APBA2: variants seen among roughly 807,000 people sequenced by gnomAD.
APBA2 encodes the protein amyloid beta precursor protein binding family A member 2, also known as amyloid-beta A4 precursor protein-binding family A member 2.
APBA2 carries 30 observed loss-of-function variants against 75.0 expected under a neutral mutation model. The ratio of observed to expected loss-of-function variants is 0.40; its 90% CI spans 0.30 to 0.54. The LOEUF (loss-of-function observed/expected upper bound fraction) is 0.54, where lower values mean the gene tolerates loss of function less well. Among genes scored for constraint, APBA2 ranks in the 20% least tolerant of loss-of-function variants. The probability of loss-of-function intolerance (pLI) is 0.49; values close to 1 mark genes in which losing one functional copy is unlikely to be tolerated. For synonymous variants in APBA2, 444 were observed against 409.6 expected, an observed-to-expected ratio of 1.08 and a Z score of -1.01; for missense variants, 801 against 1,016.1, an observed-to-expected ratio of 0.79 and a Z score of 2.88.
intron 1 of APBA2, among the ~76,000 whole-genome samples, chr15:28,896,744 A>G (rs1235724336): frequency 6.6e-6 from 1 of 152,186 alleles, no homozygotes; most frequent in African/African-American, 2.4e-5. Context: ...CTGCTCCCAA[A>G]AAGTCCCATA....
intron 3 of APBA2, among the ~76,000 whole-genome samples, chr15:29,021,304 G>A (rs543214510): frequency 1.9e-4 from 29 of 152,250 alleles, no homozygotes; most frequent in African/African-American, 5.3e-4. Flanking sequence ...CAAGGCGGGC[G>A]GATCACCTGA....
chr15:29,045,700 A>G (rs1031903713), intron 3 of APBA2, among the ~76,000 whole-genome samples: 2 of 152,186 alleles, frequency 1.3e-5, no homozygotes, highest in African/African-American at 4.8e-5. Context: ...CAGATAAAAG[A>G]CTGGAAAGAA....
intron 2 of APBA2, among the ~76,000 whole-genome samples, chr15:28,945,905 A>T (rs12324342): frequency 0.29 from 44,786 of 152,066 alleles, 10,742 homozygotes; most frequent in African/African-American, 0.64. Flanking sequence ...AGTCGTGATG[A>T]GGAGGAGGAC....
At chr15:29,082,279 A>G (rs926154204) in intron 6 of APBA2, among the ~76,000 whole-genome samples, 3 of 152,246 alleles carry the variant, frequency 2.0e-5, no homozygotes, top group African/African-American at 7.2e-5. Flanking sequence ...AAGTCATACA[A>G]TGTAATGTAT....
In APBA2 at chr15:29,100,448, G is replaced by A. The variant is rs368451119; in HGVS notation, c.1339-1151G>A. ...ACTCGAGTTTCTTTTGTGAACAGAG[G>A]ACAAAAGCATAAAAGACCAGTTGAT... is the stretch of plus-strand genomic sequence containing the variant. On this transcript the variant is annotated intron_variant, in intron 9 of 14. Coordinates refer to ENST00000683413, the MANE Select transcript of APBA2 (RefSeq NM_001353788.2). 9.2e-5 allele frequency among the ~76,000 whole-genome samples: 14 copies of A among 152,360 alleles called. No individual in the cohort carries two copies. The South Asian group carries it at 2.7e-3, about 29-fold the overall frequency.
At chr15:29,045,110 C>G in intron 3 of APBA2, among the ~76,000 whole-genome samples, 1 of 102,148 alleles carries the variant, frequency 9.8e-6, no homozygotes, top group South Asian at 3.7e-4. Context: ...TCTCGTCTCG[C>G]ACTGTCACCT....
intron 6 of APBA2, among the ~76,000 whole-genome samples, chr15:29,083,740 A>C (rs1371153608): frequency 6.6e-6 from 1 of 152,134 alleles, no homozygotes; most frequent in Non-Finnish European, 1.5e-5. Context: ...CATGTTGGTC[A>C]AGCTGGTCTT....
intron 6 of APBA2, among the ~76,000 whole-genome samples, chr15:29,092,529 G>A (rs1195158059): frequency 6.6e-6 from 1 of 152,134 alleles, no homozygotes; most frequent in Non-Finnish European, 1.5e-5. Flanking sequence ...GTTGGGTCAC[G>A]ATGGTCTAGG....
Position 29,106,738 on chromosome 15 carries a change from G to T in APBA2, c.1836G>T (p.Leu612=). ...NGGPAARSGK[L]SIGDQIMSIN... The stretch of plus-strand genomic sequence containing the variant: ...GCCCGGCTGCCCGCTCGGGGAAGCT[G>T]AGCATCGGGGACCAGATCATGTCCA... Residue 612 remains leucine, a synonymous_variant, in exon 12 of 15, where the codon CTG becomes CTT. Transcript: ENST00000683413. The T allele has an allele frequency of 6.2e-7, 1 of 1,613,062 alleles. No homozygotes were observed. The highest frequency in any genetic ancestry group is 8.5e-7 in the Non-Finnish European group (1 of 1,180,012).
chr15:29,108,530 A>T (rs1273453507), intron 13 of APBA2, 141 bp downstream of exon 13: 1 of 1,352,852 alleles, frequency 7.4e-7, no homozygotes, highest in Non-Finnish European at 1.0e-6. Context: ...CAGCCAGGCC[A>T]CCTGGGGCAG....
chr15:29,070,777 G>A (rs2042585213), intron 4 of APBA2: 1 of 265,662 alleles, frequency 3.8e-6, no homozygotes, highest in Non-Finnish European at 7.4e-6. Flanking sequence ...GCTGTAGCGG[G>A]TCTCGGCCGC....
chr15:29,091,492 A>G (rs1006302517), intron 6 of APBA2, among the ~76,000 whole-genome samples: 1 of 152,144 alleles, frequency 6.6e-6, no homozygotes, highest in African/African-American at 2.4e-5. Flanking sequence ...GCATGGAGGA[A>G]GAGTCTGAGT....
At chr15:29,014,080 T>C (rs1266772538) in intron 3 of APBA2, among the ~76,000 whole-genome samples, 2 of 152,254 alleles carry the variant, frequency 1.3e-5, no homozygotes, top group Non-Finnish European at 2.9e-5. Flanking sequence ...TTGTGCTTTA[T>C]CATCATCCAG....
intron 2 of APBA2, among the ~76,000 whole-genome samples, chr15:28,927,713 C>A (rs1054762680): frequency 6.6e-6 from 1 of 151,804 alleles, no homozygotes; most frequent in African/African-American, 2.4e-5. Flanking sequence ...AGGCATGAGC[C>A]GCTGTGCCCG....
At chr15:29,013,339 G>C (rs1318746267) in intron 3 of APBA2, among the ~76,000 whole-genome samples, 1 of 146,812 alleles carries the variant, frequency 6.8e-6, no homozygotes, top group Non-Finnish European at 1.5e-5. Flanking sequence ...GACTGCAGTG[G>C]CATGATCTCG....
chr15:29,033,387 T>A (rs947525175), intron 3 of APBA2, among the ~76,000 whole-genome samples: 1 of 152,144 alleles, frequency 6.6e-6, no homozygotes, highest in Non-Finnish European at 1.5e-5. Flanking sequence ...CCCTGTGCCT[T>A]AAACCCCTGA....
At chr15:28,989,885 C>A (rs903868740) in intron 2 of APBA2, among the ~76,000 whole-genome samples, 2 of 152,186 alleles carry the variant, frequency 1.3e-5, no homozygotes, top group African/African-American at 2.4e-5. Flanking sequence ...GCTGTCTTGG[C>A]ACCAAGTTCC....
intron 2 of APBA2, among the ~76,000 whole-genome samples, chr15:28,986,756 T>C (rs1362452488): frequency 1.3e-5 from 2 of 152,238 alleles, no homozygotes; most frequent in Non-Finnish European, 2.9e-5. Context: ...CATGAGCTAC[T>C]GCTCCTGGTC....
At chr15:28,916,490 C>A (rs1222640910) in intron 1 of APBA2, among the ~76,000 whole-genome samples, 3 of 152,208 alleles carry the variant, frequency 2.0e-5, no homozygotes, top group Non-Finnish European at 4.4e-5. Flanking sequence ...TGTCCAGGCC[C>A]CCTCTGCTCC....
Sources: allele counts gnomAD v4.1 joint callset (sites outside exome capture counted in the v4.1 genomes callset), GRCh38; gene constraint gnomAD v4.1.1; transcripts MANE v1.5; gene names NCBI Gene and HGNC (gene_info 2026-07-23, HGNC 2026-07-21).